IFFO2: variants seen among roughly 807,000 people sequenced by gnomAD.
The protein encoded by IFFO2 is intermediate filament family orphan 2.
In IFFO2, 19 loss-of-function variants were observed where a neutral mutation model predicts 53.5. The ratio of observed to expected loss-of-function variants is 0.36; its 90% CI spans 0.25 to 0.52. The LOEUF (loss-of-function observed/expected upper bound fraction) is 0.52, where lower values mean the gene tolerates loss of function less well. IFFO2 is among the 20% of genes least tolerant of loss of function. The pLI, the probability that IFFO2 is intolerant of heterozygous loss-of-function variation, is 0.94. For missense variants in IFFO2, 570 were observed against 727.4 expected, an observed-to-expected ratio of 0.78 and a Z score of 2.49; for synonymous variants, 303 against 313.6, an observed-to-expected ratio of 0.97 and a Z score of 0.36.
rs1370862104 is a variant in IFFO2, at chr1:18,908,192, C to T, written c.*369G>A. 9 of 238,486 alleles carry T rather than the reference C, an allele frequency of 3.8e-5. No homozygotes were observed. Among genetic ancestry groups the T allele is most frequent in the Admixed American group, 3.4e-4 (7 of 20,836 alleles). 14.8% of individuals were successfully genotyped at this position (238,486 alleles called of 1,614,324 possible). A position where few individuals can be genotyped will look rare whatever the true frequency, so the allele number is the denominator to read the frequency against. ...TACACCACGGCCGGTTGGCCCGGCC[C>T]TCAGCTTAGAGTTCTGTATAAAAAC... On this transcript the variant is annotated 3_prime_UTR_variant, in exon 9 of 9. Transcript: ENST00000455833.
chr1:18,928,481 G>A lies in IFFO2; in HGVS notation c.666-7360C>T, dbSNP rs990076772. Reference sequence around the variant, plus strand: ...GGAGCACAGGCTGTACACTGAGGATGGGGGCCAGGTTTGAGAAGCCACTAA... The same window carrying A: ...GGAGCACAGGCTGTACACTGAGGATAGGGGCCAGGTTTGAGAAGCCACTAA... On this transcript the variant is annotated intron_variant, in intron 1 of 8. Transcript: ENST00000455833. This position sits in a 1 kb window ranked among gnomAD's most constrained non-coding sequence, Gnocchi z 4.9. Among the ~76,000 whole-genome samples the A allele has an allele frequency of 2.0e-5, 3 of 152,220 alleles. No individual in the cohort carries two copies. The highest frequency in any genetic ancestry group is 7.2e-5 in the African/African-American group (3 of 41,454).
At chr1:18,915,782 G>C (rs1051717253) in intron 5 of IFFO2, among the ~76,000 whole-genome samples, 1 of 152,174 alleles carries the variant, frequency 6.6e-6, no homozygotes, top group African/African-American at 2.4e-5. Context: ...AACACAGCCA[G>C]CCCACCAAGG....
intron 1 of IFFO2, among the ~76,000 whole-genome samples, chr1:18,924,241 C>T (rs934577257): frequency 6.6e-6 from 1 of 152,246 alleles, no homozygotes; most frequent in African/African-American, 2.4e-5. Flanking sequence ...GTGTTTCTTA[C>T]GGCACTCCAG....
In IFFO2 at chr1:18,948,762, T is replaced by C. The variant is rs1026400126; in HGVS notation, c.665+6906A>G. 2.6e-5 allele frequency among the ~76,000 whole-genome samples: 4 copies of C among 152,190 alleles called. 1 individual carries two copies. The highest frequency in any genetic ancestry group is 9.7e-5 in the African/African-American group (4 of 41,446). Reference sequence around the variant, plus strand: ...AAGGGCACGGGACACCCTCTCCCAGTTTCCAGCTTGGTTCTCAACCTCTGC... The same window carrying C: ...AAGGGCACGGGACACCCTCTCCCAGCTTCCAGCTTGGTTCTCAACCTCTGC... On this transcript the variant is annotated intron_variant, in intron 1 of 8. Coordinates refer to ENST00000455833, the MANE Select transcript of IFFO2 (RefSeq NM_001136265.2).
At position 18,908,267 on chromosome 1, in the gene IFFO2, G is replaced by A. The variant is rs1935979763; in HGVS notation, c.*294C>T. 2.6e-6 allele frequency: 1 copy of A among 391,280 alleles called. No individual in the cohort carries two copies. Among genetic ancestry groups the A allele is most frequent in the Non-Finnish European group, 4.9e-6 (1 of 205,756 alleles). 24.2% of individuals were successfully genotyped at this position (391,280 alleles called of 1,614,324 possible). ...GCTCAAAGTGGCTCAGCTTAAGGGA[G>A]AAGGCACAGTTAACACTGCAAAGTC... On this transcript the variant is annotated 3_prime_UTR_variant, in exon 9 of 9. Transcript: ENST00000455833.
Position 18,947,311 on chromosome 1 carries a change from T to C in IFFO2, c.665+8357A>G, listed in dbSNP as rs16862393. 0.013 allele frequency among the ~76,000 whole-genome samples: 1,912 copies of C among 152,336 alleles called. 39 individuals are homozygous for C. The highest frequency in any genetic ancestry group is 0.043 in the African/African-American group (1,801 of 41,568). On this transcript the variant is annotated intron_variant, in intron 1 of 8. Transcript: ENST00000455833. This position sits in a 1 kb window ranked among gnomAD's most constrained non-coding sequence, Gnocchi z 5.0. ...CCCTCTGCTGCTGGTGATCCGTGGA[T>C]GAGAACCTCGGGCTGGCTGTGCCCT...
Position 18,927,822 on chromosome 1 carries a change from G to A in IFFO2, c.666-6701C>T, listed in dbSNP as rs868082951. Among the ~76,000 whole-genome samples, 10 of 152,360 alleles carry A rather than the reference G, an allele frequency of 6.6e-5. No homozygotes were observed. The South Asian group carries it at 1.0e-3, about 16-fold the overall frequency. On this transcript the variant is annotated intron_variant, in intron 1 of 8. Coordinates refer to ENST00000455833, the MANE Select transcript of IFFO2 (RefSeq NM_001136265.2). ...GGCTCCCCGGTGGGGTCAGGGCTGC[G>A]TGCCCCCAACAGCCTCCACTTGCTT...
Position 18,917,128 on chromosome 1 carries a change from TCA to T in IFFO2, c.964-88_964-87del. The T allele has an allele frequency of 6.9e-7, 1 of 1,440,818 alleles. No individual in the cohort carries two copies. Among genetic ancestry groups the T allele is most frequent in the Non-Finnish European group, 9.4e-7 (1 of 1,064,194 alleles). The allele number at this position is 1,440,818 out of a possible 1,614,324, so 89.3% of individuals were successfully genotyped here. A position where few individuals can be genotyped will look rare whatever the true frequency, so the allele number is the denominator to read the frequency against. ...GTGAACTGGGAAGGGAGCCGGCATC[TCA>T]CAGGATGATGAGCGTGACTGGGGCC... is the stretch of plus-strand genomic sequence containing the variant. On this transcript the variant is annotated intron_variant, in intron 4 of 8. Transcript: ENST00000455833. This position sits in a 1 kb window ranked among gnomAD's most constrained non-coding sequence, Gnocchi z 5.9.
At chr1:18,929,431 A>T (rs1229933560) in intron 1 of IFFO2, among the ~76,000 whole-genome samples, 6 of 152,158 alleles carry the variant, frequency 3.9e-5, no homozygotes, top group Non-Finnish European at 8.8e-5. Flanking sequence ...CCCTCTGGGG[A>T]CCCAGGAGCA....
intron 1 of IFFO2, among the ~76,000 whole-genome samples, chr1:18,932,490 T>C (rs1936392952): frequency 6.6e-6 from 1 of 152,240 alleles, no homozygotes; most frequent in Non-Finnish European, 1.5e-5. Context: ...ACTTCTGAGC[T>C]GTGTGCCTTG....
intron 2 of IFFO2, among the ~76,000 whole-genome samples, chr1:18,920,443 C>CAA (rs1936200759): frequency 6.6e-6 from 1 of 152,236 alleles, no homozygotes; most frequent in Non-Finnish European, 1.5e-5. Flanking sequence ...AAGAACTTTT[C>CAA]ATGCCTTCTC....
chr1:18,951,598 C>G (rs1936660747), intron 1 of IFFO2, among the ~76,000 whole-genome samples: 2 of 152,212 alleles, frequency 1.3e-5, no homozygotes, highest in Admixed American at 1.3e-4. Context: ...CGCCGGGCAA[C>G]TTCCTCTACC....
chr1:18,917,579 A>G lies in IFFO2; in HGVS notation c.964-537T>C, dbSNP rs1461171138. 6.6e-6 allele frequency among the ~76,000 whole-genome samples: 1 copy of G among 152,164 alleles called. No individual in the cohort carries two copies. The highest frequency in any genetic ancestry group is 6.5e-5 in the Admixed American group (1 of 15,280). ...CCCGGCAGAGGGACAGCAAGAAGGC[A>G]TGGAGGTGGAGAGAGGGCCCCAGGG... On this transcript the variant is annotated intron_variant, in intron 4 of 8. Transcript: ENST00000455833. This position sits in a 1 kb window ranked among gnomAD's most constrained non-coding sequence, Gnocchi z 5.9.
At chr1:18,953,877 A>G (rs1461413949) in intron 1 of IFFO2, among the ~76,000 whole-genome samples, 2 of 152,302 alleles carry the variant, frequency 1.3e-5, no homozygotes, top group Middle Eastern at 3.4e-3. Context: ...TCACCTTAGT[A>G]GCCAGGTCCA....
chr1:18,913,945 C>T (rs890075439), intron 5 of IFFO2, among the ~76,000 whole-genome samples: 11 of 152,348 alleles, frequency 7.2e-5, no homozygotes, highest in South Asian at 2.1e-4. Context: ...CATTCTCCTG[C>T]CTCAGCCTCC....
intron 1 of IFFO2, among the ~76,000 whole-genome samples, chr1:18,925,408 C>A (rs72645633): frequency 0.036 from 5,509 of 152,322 alleles, 261 homozygotes; most frequent in Admixed American, 0.15. Context: ...GTTGTGGGAT[C>A]CCACGGCACA....
chr1:18,914,089 C>T (rs888977332), intron 5 of IFFO2, among the ~76,000 whole-genome samples: 1 of 152,226 alleles, frequency 6.6e-6, no homozygotes, highest in Non-Finnish European at 1.5e-5. Flanking sequence ...CCTCGGCCTC[C>T]CAAAGTGCTG....
In IFFO2 at chr1:18,906,339, TTA is replaced by T. The variant is rs934671773; in HGVS notation, c.*2220_*2221del. The T allele has an allele frequency of 1.3e-5, 2 of 152,116 alleles. No homozygotes were observed. Among genetic ancestry groups the T allele is most frequent in the African/African-American group, 4.8e-5 (2 of 41,398 alleles). The allele number at this position is 152,116 out of a possible 1,614,324, so 9.4% of individuals were successfully genotyped here. ...CCGGACACCGATAACCACAGTAACC[TTA>T]GTTACTCCCATGCTAACACTGCTGC... On this transcript the variant is annotated 3_prime_UTR_variant, in exon 9 of 9. Transcript: ENST00000455833.
At chr1:18,915,471 C>T (rs1936118085) in intron 5 of IFFO2, among the ~76,000 whole-genome samples, 3 of 152,106 alleles carry the variant, frequency 2.0e-5, no homozygotes, top group Admixed American at 6.5e-5. Flanking sequence ...TAAGAGCTGG[C>T]GCCAGCAGGC....
Sources: allele counts gnomAD v4.1 joint callset (sites outside exome capture counted in the v4.1 genomes callset), GRCh38; gene constraint gnomAD v4.1.1; non-coding constraint Gnocchi (gnomAD v3.1); transcripts MANE v1.5; gene names NCBI Gene and HGNC (gene_info 2026-07-23, HGNC 2026-07-21).